ADAM12: variants seen among roughly 807,000 people sequenced by gnomAD.
The protein encoded by ADAM12 is disintegrin and metalloproteinase domain-containing protein 12.
In ADAM12, 70 loss-of-function variants were observed where a neutral mutation model predicts 106.4. That is an observed-to-expected ratio of 0.66 (90% CI 0.54 to 0.80). The LOEUF is 0.80. ADAM12 is among the 30% of genes least tolerant of loss of function. The probability of loss-of-function intolerance (pLI) is 0.00; values close to 1 mark genes in which losing one functional copy is unlikely to be tolerated. For synonymous variants in ADAM12, 420 were observed against 433.5 expected, an observed-to-expected ratio of 0.97 and a Z score of 0.39; for missense variants, 1,010 against 1,171.9, an observed-to-expected ratio of 0.86 and a Z score of 2.02.
chr10:126,028,417 C>T (rs1953916471), intron 21 of ADAM12, among the ~76,000 whole-genome samples: 1 of 152,142 alleles, frequency 6.6e-6, no homozygotes, highest in Non-Finnish European at 1.5e-5. Flanking sequence ...TCAAACTATA[C>T]TACAAAGCTA....
intron 1 of ADAM12, among the ~76,000 whole-genome samples, chr10:126,364,680 A>C (rs1210948458): frequency 1.3e-5 from 2 of 152,200 alleles, no homozygotes; most frequent in Non-Finnish European, 2.9e-5. Context: ...AGCTCTTAAC[A>C]AATCAATTAA....
At chr10:126,139,559 T>C (rs1039959026) in intron 4 of ADAM12, among the ~76,000 whole-genome samples, 1 of 151,944 alleles carries the variant, frequency 6.6e-6, no homozygotes, top group African/African-American at 2.4e-5. Flanking sequence ...CATACAACAC[T>C]GAAGAGTGAA....
chr10:126,130,934 T>C (rs1956292695), intron 5 of ADAM12, among the ~76,000 whole-genome samples: 1 of 152,188 alleles, frequency 6.6e-6, no homozygotes, highest in Non-Finnish European at 1.5e-5. Context: ...CCTTTTCTCT[T>C]TGCCCATCAA....
chr10:126,245,869 G>A (rs1958619168), intron 3 of ADAM12, among the ~76,000 whole-genome samples: 1 of 152,184 alleles, frequency 6.6e-6, no homozygotes, highest in Non-Finnish European at 1.5e-5. Flanking sequence ...TGACAGGAGA[G>A]AGGAATGGAT....
At chr10:126,142,839 G>T (rs1354645323) in intron 4 of ADAM12, among the ~76,000 whole-genome samples, 1 of 152,148 alleles carries the variant, frequency 6.6e-6, no homozygotes, top group Non-Finnish European at 1.5e-5. Flanking sequence ...ATGTGTATGG[G>T]TGTATGTGTG....
intron 6 of ADAM12, among the ~76,000 whole-genome samples, chr10:126,111,581 A>G (rs564322693): frequency 1.3e-5 from 2 of 152,336 alleles, no homozygotes; most frequent in African/African-American, 4.8e-5. Context: ...AGACGTTTAC[A>G]CTTTTCAGCC....
chr10:126,338,116 G>A (rs1490207962), intron 1 of ADAM12, among the ~76,000 whole-genome samples: 1 of 152,132 alleles, frequency 6.6e-6, no homozygotes, highest in African/African-American at 2.4e-5. Flanking sequence ...GCTAGTTATA[G>A]CTTCTCATAA....
intron 2 of ADAM12, among the ~76,000 whole-genome samples, chr10:126,300,558 G>C (rs114280683): frequency 6.6e-6 from 1 of 152,054 alleles, no homozygotes. Flanking sequence ...GATAATTTAC[G>C]GCCAAGACAC....
chr10:126,355,793 A>G (rs1855517702), intron 1 of ADAM12, among the ~76,000 whole-genome samples: 1 of 152,222 alleles, frequency 6.6e-6, no homozygotes, highest in Admixed American at 6.5e-5. Context: ...GCAAGGAGAC[A>G]GGGCCCACAG....
intron 4 of ADAM12, among the ~76,000 whole-genome samples, chr10:126,141,765 C>T (rs1298979564): frequency 9.4e-6 from 1 of 105,956 alleles, no homozygotes; most frequent in Non-Finnish European, 2.4e-5. Context: ...GAAAGGAATG[C>T]TACCAAAGTC....
intron 2 of ADAM12, among the ~76,000 whole-genome samples, chr10:126,288,153 C>T (rs1369638198): frequency 6.6e-6 from 1 of 152,082 alleles, no homozygotes; most frequent in Admixed American, 6.5e-5. Flanking sequence ...CTTGCCTCAC[C>T]CTAGGAGGCC....
At chr10:126,154,022 G>A (rs1956772158) in intron 4 of ADAM12, among the ~76,000 whole-genome samples, 1 of 152,240 alleles carries the variant, frequency 6.6e-6, no homozygotes, top group Admixed American at 6.5e-5. Context: ...TGGATTGGAA[G>A]AGTTCTTTTT....
At chr10:126,343,101 T>A (rs1323797181) in intron 1 of ADAM12, among the ~76,000 whole-genome samples, 1 of 152,194 alleles carries the variant, frequency 6.6e-6, no homozygotes, top group Non-Finnish European at 1.5e-5. Context: ...TGTATACATG[T>A]GCCATGTTGG....
At chr10:126,074,888 A>G (rs1159072849) in intron 11 of ADAM12, among the ~76,000 whole-genome samples, 1 of 152,166 alleles carries the variant, frequency 6.6e-6, no homozygotes, top group Non-Finnish European at 1.5e-5. Context: ...GCCTGAGCTC[A>G]CCAGCATGCC....
intron 1 of ADAM12, among the ~76,000 whole-genome samples, chr10:126,348,989 G>A (rs919338709): frequency 6.6e-6 from 1 of 152,146 alleles, no homozygotes; most frequent in Non-Finnish European, 1.5e-5. Context: ...TTACAGGCCC[G>A]CAAAGCCAAT....
intron 4 of ADAM12, among the ~76,000 whole-genome samples, chr10:126,148,828 A>C (rs1956676449): frequency 6.7e-6 from 1 of 149,370 alleles, no homozygotes; most frequent in African/African-American, 2.5e-5. Context: ...TCCAACTTCC[A>C]TCCTCCCCAT....
chr10:126,237,467 C>T (rs963835330), intron 3 of ADAM12, among the ~76,000 whole-genome samples: 13 of 152,220 alleles, frequency 8.5e-5, no homozygotes, highest in African/African-American at 3.1e-4. Context: ...CCCTTCCTCT[C>T]ACTGAATTAT....
intron 3 of ADAM12, among the ~76,000 whole-genome samples, chr10:126,210,639 C>T (rs1453198421): frequency 1.3e-5 from 2 of 152,046 alleles, no homozygotes; most frequent in African/African-American, 2.4e-5. Flanking sequence ...TGGATATGGA[C>T]GATGATGACT....
chr10:126,116,980 C>G (rs116732265), intron 6 of ADAM12, among the ~76,000 whole-genome samples: 1 of 152,016 alleles, frequency 6.6e-6, no homozygotes, highest in African/African-American at 2.4e-5. Context: ...GAGACAACAA[C>G]GGGTTAGGAG....
Sources: gnomAD v4.1 joint callset for allele counts (sites outside exome capture counted in the v4.1 genomes callset) on GRCh38, gnomAD v4.1.1 for gene constraint, MANE v1.5 for transcripts, NCBI Gene and HGNC (gene_info 2026-07-23, HGNC 2026-07-21) for gene names.